The following RAB20 variants were observed in gnomAD, a reference collection of about 807,000 sequenced individuals.
RAB20 encodes the protein ras-related protein Rab-20.
A neutral mutation model predicts 3.7 loss-of-function variants in RAB20; 2 were observed. The ratio of observed to expected loss-of-function variants is 0.54; its 90% CI spans 0.22 to 1.69. The LOEUF (loss-of-function observed/expected upper bound fraction) is 1.69. Ranked by LOEUF, RAB20 falls within the 40% of genes most tolerant of loss-of-function variation. The probability of loss-of-function intolerance (pLI) is 0.19; values close to 1 mark genes in which losing one functional copy is unlikely to be tolerated. For synonymous variants in RAB20, 126 were observed against 130.8 expected (o/e 0.96, Z 0.25); for missense variants, 276 against 311.9 (o/e 0.88, Z 0.87).
chr13:110,545,455 G>C (rs563054989), intron 1 of RAB20, among the ~76,000 whole-genome samples: 6 of 152,192 alleles, frequency 3.9e-5, no homozygotes, highest in Non-Finnish European at 7.3e-5. Flanking sequence ...CTTTGTCTGT[G>C]GTCGGTCTCC....
At chr13:110,549,101 A>G (rs1019501406) in intron 1 of RAB20, among the ~76,000 whole-genome samples, 9 of 152,210 alleles carry the variant, frequency 5.9e-5, no homozygotes, top group African/African-American at 2.2e-4. Context: ...GAGGCTTAAG[A>G]CCAGTGTGCG....
intron 1 of RAB20, among the ~76,000 whole-genome samples, chr13:110,542,930 CTT>C (rs1286911007): frequency 2.0e-5 from 3 of 152,206 alleles, no homozygotes; most frequent in East Asian, 1.9e-4. Context: ...GCGGGGTTCT[CTT>C]GTCTCCACAT....
intron 1 of RAB20, among the ~76,000 whole-genome samples, chr13:110,542,229 T>C (rs1340544463): frequency 6.6e-6 from 1 of 151,692 alleles, no homozygotes; most frequent in African/African-American, 2.4e-5. Context: ...ATATTTCAGA[T>C]GTACAACATG....
intron 1 of RAB20, among the ~76,000 whole-genome samples, chr13:110,556,739 C>T (rs1228395358): frequency 6.6e-6 from 1 of 152,114 alleles, no homozygotes; most frequent in Non-Finnish European, 1.5e-5. Flanking sequence ...CCTGTGTTGC[C>T]CAGGCTGGTC....
At chr13:110,560,893 C>A (rs1265686996) in intron 1 of RAB20, among the ~76,000 whole-genome samples, 1 of 152,118 alleles carries the variant, frequency 6.6e-6, no homozygotes, top group East Asian at 1.9e-4. Flanking sequence ...CCTGACTAAA[C>A]CCAACAGGGG....
At chr13:110,546,464 T>C (rs577131167) in intron 1 of RAB20, among the ~76,000 whole-genome samples, 16 of 152,332 alleles carry the variant, frequency 1.1e-4, no homozygotes, top group Admixed American at 9.8e-4. Flanking sequence ...TGCCATGAGA[T>C]GGTAGCGTCC....
chr13:110,547,480 G>C (rs904902887), intron 1 of RAB20, among the ~76,000 whole-genome samples: 1 of 152,214 alleles, frequency 6.6e-6, no homozygotes, highest in Admixed American at 6.5e-5. Flanking sequence ...GCACGAAATA[G>C]AACGTAGCCC....
At chr13:110,560,862 C>T (rs378859) in intron 1 of RAB20, among the ~76,000 whole-genome samples, 1 of 151,690 alleles carries the variant, frequency 6.6e-6, no homozygotes, top group Non-Finnish European at 1.5e-5. Context: ...GGTCCGGAGG[C>T]TCCAGTTTTA....
chr13:110,532,421 G>A (rs937515106), intron 1 of RAB20, among the ~76,000 whole-genome samples: 3 of 152,100 alleles, frequency 2.0e-5, no homozygotes, highest in Non-Finnish European at 2.9e-5. Flanking sequence ...CTGTTGCCCA[G>A]GCTGGAGTGC....
chr13:110,527,710 G>A (rs140343846), intron 1 of RAB20, among the ~76,000 whole-genome samples: 1 of 152,258 alleles, frequency 6.6e-6, no homozygotes, highest in African/African-American at 2.4e-5. Context: ...GACCCCAGCA[G>A]GCAGAAATCA....
chr13:110,534,875 C>T (rs1203816251), intron 1 of RAB20, among the ~76,000 whole-genome samples: 1 of 152,188 alleles, frequency 6.6e-6, no homozygotes, highest in Admixed American at 6.5e-5. Flanking sequence ...GCTCTGTCAC[C>T]CAGGCTGGAG....
intron 1 of RAB20, among the ~76,000 whole-genome samples, chr13:110,537,129 C>T (rs1355292998): frequency 4.0e-5 from 6 of 151,880 alleles, no homozygotes; most frequent in African/African-American, 1.2e-4. Flanking sequence ...TACAGGCTCA[C>T]GCCACTACGC....
intron 1 of RAB20, among the ~76,000 whole-genome samples, chr13:110,553,488 A>C (rs1884991272): frequency 6.6e-6 from 1 of 152,162 alleles, no homozygotes; most frequent in Non-Finnish European, 1.5e-5. Context: ...GCAAAGGGCC[A>C]GATAGTAAAT....
chr13:110,550,614 A>G (rs1013140587), intron 1 of RAB20, among the ~76,000 whole-genome samples: 2 of 152,172 alleles, frequency 1.3e-5, no homozygotes, highest in African/African-American at 4.8e-5. Flanking sequence ...TCCTGTGTCA[A>G]TGATGGCTGT....
At chr13:110,556,936 C>T (rs980415681) in intron 1 of RAB20, among the ~76,000 whole-genome samples, 4 of 152,190 alleles carry the variant, frequency 2.6e-5, no homozygotes, top group African/African-American at 2.4e-5. Flanking sequence ...ATGGAAGTGG[C>T]TTTAGAACTG....
Position 110,523,694 on chromosome 13 carries a change from T to C in RAB20, c.676A>G (p.Lys226Glu). ...TVDISSHKPP[K>E]RTRSGCCA is the part of the protein sequence containing the mutation. The stretch of plus-strand genomic sequence containing the variant: ...GCACAACACCCAGATCTGGTCCTCT[T>C]GGGTGGCTTATGACTGGATATATCC... Residue 226 changes from lysine to glutamate, a missense_variant, in exon 2 of 2, where the codon AAG (lysine) becomes GAG (glutamate). Transcript: ENST00000267328. The C allele has an allele frequency of 6.2e-7, 1 of 1,614,078 alleles. No homozygotes were observed. The highest frequency in any genetic ancestry group is 1.1e-5 in the South Asian group (1 of 91,076).
chr13:110,542,534 A>T (rs1884782027), intron 1 of RAB20, among the ~76,000 whole-genome samples: 1 of 152,204 alleles, frequency 6.6e-6, no homozygotes, highest in Non-Finnish European at 1.5e-5. Flanking sequence ...ACTCTGCTTC[A>T]GTGAGTTCAA....
At chr13:110,558,228 C>T (rs1486035355) in intron 1 of RAB20, among the ~76,000 whole-genome samples, 1 of 152,194 alleles carries the variant, frequency 6.6e-6, no homozygotes, top group Non-Finnish European at 1.5e-5. Flanking sequence ...TGGATGTACC[C>T]ACCCATGCAC....
chr13:110,544,467 T>C (rs184383220), intron 1 of RAB20, among the ~76,000 whole-genome samples: 4 of 152,356 alleles, frequency 2.6e-5, no homozygotes, highest in African/African-American at 7.2e-5. Context: ...AGTGATTGCA[T>C]TGAATCTATG....
Sources: allele counts gnomAD v4.1 joint callset (sites outside exome capture counted in the v4.1 genomes callset), GRCh38; gene constraint gnomAD v4.1.1; transcripts MANE v1.5; gene names NCBI Gene and HGNC (gene_info 2026-07-23, HGNC 2026-07-21).